Variants in NUP210 observed in about 807,000 individuals in gnomAD.
The protein encoded by NUP210 is nucleoporin 210, also known as nuclear pore membrane glycoprotein 210.
NUP210 carries 151 observed loss-of-function variants against 196.0 expected under a neutral mutation model. The observed-to-expected ratio is 0.77, with a 90% CI of 0.67 to 0.88. NUP210 has a LOEUF of 0.88. NUP210 is among the 40% of genes least tolerant of loss of function. The pLI is 0.00. For missense variants in NUP210, 2,314 were observed against 2,493.7 expected, an observed-to-expected ratio of 0.93 and a Z score of 1.53; for synonymous variants, 1,070 against 1,052.7, an observed-to-expected ratio of 1.02 and a Z score of -0.32.
chr3:13,396,174 T>C (rs553186007), intron 3 of NUP210, among the ~76,000 whole-genome samples: 2 of 152,302 alleles, frequency 1.3e-5, no homozygotes, highest in East Asian at 3.9e-4. Flanking sequence ...GAGACACTAC[T>C]AACATCTAGT....
At chr3:13,415,456 A>G (rs987181490) in intron 1 of NUP210, among the ~76,000 whole-genome samples, 8 of 152,180 alleles carry the variant, frequency 5.3e-5, no homozygotes, top group South Asian at 2.1e-4. Context: ...AATCGACCAA[A>G]GCCTGTGACT....
At chr3:13,395,810 A>G (rs1415188484) in intron 3 of NUP210, among the ~76,000 whole-genome samples, 1 of 152,196 alleles carries the variant, frequency 6.6e-6, no homozygotes, top group Non-Finnish European at 1.5e-5. Context: ...GCCGGGGCAC[A>G]GGATAACTCT....
In NUP210 at chr3:13,340,619, G is replaced by C. The variant is rs771067727; in HGVS notation, c.3229-321C>G. ...AGTTGAGCCATCCCCTTAGAGCAGC[G>C]GTTCTCAGTGTGTGGTCACTAAGCA... is the stretch of plus-strand genomic sequence containing the variant. On this transcript the variant is annotated intron_variant, in intron 23 of 39. Coordinates refer to ENST00000254508, the MANE Select transcript of NUP210 (RefSeq NM_024923.4). This position sits in a 1 kb window ranked among gnomAD's most constrained non-coding sequence, Gnocchi z 4.0. Among the ~76,000 whole-genome samples, 1 of 152,176 alleles carries C rather than the reference G, an allele frequency of 6.6e-6. No homozygotes were observed. The highest frequency in any genetic ancestry group is 1.5e-5 in the Non-Finnish European group (1 of 68,014).
In NUP210 at chr3:13,379,696, G is replaced by A. The variant is rs767772331; in HGVS notation, c.843C>T (p.Tyr281=). ...GGATGCTGTTCTGAAGCTGCAACTC[G>A]TACTGATCGGAAGGCATGGAGAGTT... is the stretch of plus-strand genomic sequence containing the variant. ...ITELSMPSDQ[Y]ELQLQNSIPG... The change falls in exon 7 of 40, where the codon TAC becomes TAT. Residue 281 remains tyrosine, a synonymous_variant. Coordinates refer to ENST00000254508, the MANE Select transcript of NUP210 (RefSeq NM_024923.4). This position sits in a 1 kb window ranked among gnomAD's most constrained non-coding sequence, Gnocchi z 4.2. The A allele has an allele frequency of 6.8e-6, 11 of 1,608,034 alleles. No homozygotes were observed. The highest frequency in any genetic ancestry group is 1.7e-5 in the Admixed American group (1 of 58,816).
chr3:13,320,226 A>C (rs936285033), intron 36 of NUP210, among the ~76,000 whole-genome samples: 10 of 152,228 alleles, frequency 6.6e-5, no homozygotes, highest in African/African-American at 1.9e-4. Flanking sequence ...TGTACTCTGC[A>C]GAGTCGGGAA....
chr3:13,393,069 C>A (rs1439915660), intron 3 of NUP210, among the ~76,000 whole-genome samples: 5 of 152,242 alleles, frequency 3.3e-5, no homozygotes, highest in Non-Finnish European at 7.3e-5. Context: ...TACATGCCAA[C>A]ACCACAAGAG....
At chr3:13,397,930 C>A (rs1168992229) in intron 2 of NUP210, among the ~76,000 whole-genome samples, 1 of 152,146 alleles carries the variant, frequency 6.6e-6, no homozygotes, top group Non-Finnish European at 1.5e-5. Context: ...AAGTATAGTA[C>A]AGAAGGGGCT....
chr3:13,335,710 C>A lies in NUP210; in HGVS notation c.3685-98G>T, dbSNP rs561303612. ...AGTAGCCCCAGACCCCCCAGCCCCC[C>A]AGTCCTGGTAGCTGCTGGCCTGTTC... On this transcript the variant is annotated intron_variant, in intron 27 of 39. Coordinates refer to ENST00000254508, the MANE Select transcript of NUP210 (RefSeq NM_024923.4). The A allele has an allele frequency of 1.6e-5, 22 of 1,356,076 alleles. No homozygotes were observed. In the East Asian group the frequency reaches 1.9e-4, roughly 12 times the overall value. The allele number at this position is 1,356,076 out of a possible 1,614,324, so 84.0% of individuals were successfully genotyped here.
intron 1 of NUP210, among the ~76,000 whole-genome samples, chr3:13,411,662 C>T (rs945410666): frequency 2.0e-4 from 30 of 152,276 alleles, no homozygotes; most frequent in African/African-American, 7.2e-4. Context: ...TGCCGACGGC[C>T]CCTCCCCACC....
chr3:13,323,208 G>A lies in NUP210; in HGVS notation c.4768+101C>T. The A allele has an allele frequency of 1.4e-6, 2 of 1,446,986 alleles. No individual in the cohort carries two copies. Among genetic ancestry groups the A allele is most frequent in the South Asian group, 1.3e-5 (1 of 79,586 alleles). The allele number at this position is 1,446,986 out of a possible 1,614,324, so 89.6% of individuals were successfully genotyped here. The stretch of plus-strand genomic sequence containing the variant: ...AATGCCCTCTCTGGAGTTGGTGTGA[G>A]TGTGAATAGGAGAAGCAGATAAACT... On this transcript the variant is annotated intron_variant, in intron 34 of 39. Coordinates refer to ENST00000254508, the MANE Select transcript of NUP210 (RefSeq NM_024923.4). This position sits in a 1 kb window ranked among gnomAD's most constrained non-coding sequence, Gnocchi z 4.3.
intron 1 of NUP210, among the ~76,000 whole-genome samples, chr3:13,406,944 G>T (rs1700024634): frequency 6.6e-6 from 1 of 151,908 alleles, no homozygotes; most frequent in African/African-American, 2.4e-5. Context: ...AGCCCTCGGG[G>T]ATGGGGACGT....
At chr3:13,344,822 G>T in intron 20 of NUP210, 1 of 628,332 alleles carries the variant, frequency 1.6e-6, no homozygotes, top group Non-Finnish European at 2.0e-6. Flanking sequence ...GGGCCTCGCA[G>T]CCCACCTTAA....
At chr3:13,338,653 G>A (rs553780624) in intron 25 of NUP210, among the ~76,000 whole-genome samples, 53 of 152,286 alleles carry the variant, frequency 3.5e-4, no homozygotes, top group African/African-American at 1.2e-3. Context: ...GCTCTGGATT[G>A]GACAGATGGA....
chr3:13,358,448 T>C (rs6807718), intron 15 of NUP210, 53 bp from the exon 16 acceptor site: 472,929 of 1,531,706 alleles, frequency 0.31, 76,963 homozygotes, highest in Non-Finnish European at 0.34. Context: ...CTCACTCCTC[T>C]CTGAGCTATG....
Position 13,339,839 on chromosome 3 carries a change from T to C in NUP210, c.3471+15A>G, listed in dbSNP as rs371118867. On this transcript the variant is annotated intron_variant, in intron 25 of 39. Transcript: ENST00000254508. ...CCAGGCACAGCTGCCCAGTCTCCAA[T>C]AGCACGCCTGTTACCTGAGAGATGA... 7 of 1,605,360 alleles carry C rather than the reference T, an allele frequency of 4.4e-6. No homozygotes were observed. The highest frequency in any genetic ancestry group is 6.0e-6 in the Non-Finnish European group (7 of 1,174,274).
Position 13,373,730 on chromosome 3 carries a change from G to A in NUP210, c.1575C>T (p.Phe525=), listed in dbSNP as rs202170701. The A allele has an allele frequency of 3.4e-5, 55 of 1,614,024 alleles. No homozygotes were observed. Among genetic ancestry groups the A allele is most frequent in the Admixed American group, 2.2e-4 (13 of 60,008 alleles). ...QAHDVQNPLH[F]GEMKVYVIEP... ...CCTGAGATCTCACCTTCATCTCACCGAAATGGAGTGGGTTCTGCACATCAT... is the reference window on the plus strand; with the variant it reads ...CCTGAGATCTCACCTTCATCTCACCAAAATGGAGTGGGTTCTGCACATCAT... The change falls in exon 12 of 40, where the codon TTC becomes TTT. Residue 525 remains phenylalanine, a synonymous_variant. Coordinates refer to ENST00000254508, the MANE Select transcript of NUP210 (RefSeq NM_024923.4).
At position 13,373,797 on chromosome 3, in the gene NUP210, A is replaced by G. The variant is rs1352332691; in HGVS notation, c.1508T>C (p.Met503Thr). The G allele has an allele frequency of 6.2e-7, 1 of 1,614,066 alleles. No homozygotes were observed. Among genetic ancestry groups the G allele is most frequent in the Non-Finnish European group, 8.5e-7 (1 of 1,180,026 alleles). Residue 503 changes from methionine to threonine, a missense_variant, in exon 12 of 40, where the codon ATG (methionine) becomes ACG (threonine). By Grantham distance (81) the Met-to-Thr change is moderately conservative. Transcript: ENST00000254508. ...GAACCCGATGTCACTGCCTGTGGTCATCACGCCCTTGACAGTAACTGTGGC... is the reference window on the plus strand; with the variant it reads ...GAACCCGATGTCACTGCCTGTGGTCGTCACGCCCTTGACAGTAACTGTGGC... ...LVATVTVKGV[M>T]TTGSDIGFSV... is the part of the protein sequence containing the mutation.
Position 13,376,579 on chromosome 3 carries a change from G to A in NUP210, c.1153-148C>T, listed in dbSNP as rs1340271276. The A allele has an allele frequency of 1.3e-5, 10 of 761,748 alleles. No individual in the cohort carries two copies. The East Asian group carries it at 2.1e-4, about 16-fold the overall frequency. The allele number at this position is 761,748 out of a possible 1,614,324, so 47.2% of individuals were successfully genotyped here. On this transcript the variant is annotated intron_variant, in intron 9 of 39. Coordinates refer to ENST00000254508, the MANE Select transcript of NUP210 (RefSeq NM_024923.4). ...TCAGCAGCCTCCACTAGCAGCAGACGGGTGGGCTGGGCCCTGGAACAGAGG... is the reference window on the plus strand; with the variant it reads ...TCAGCAGCCTCCACTAGCAGCAGACAGGTGGGCTGGGCCCTGGAACAGAGG...
chr3:13,319,387 T>C, intron 37 of NUP210, 62 bp from the exon 38 acceptor site: 2 of 1,351,718 alleles, frequency 1.5e-6, no homozygotes, highest in Non-Finnish European at 2.1e-6. Context: ...TCCCATCACG[T>C]TCCTGCCCTA....
Sources: gnomAD v4.1 joint callset for allele counts (sites outside exome capture counted in the v4.1 genomes callset) on GRCh38, gnomAD v4.1.1 for gene constraint, Gnocchi (gnomAD v3.1) non-coding constraint, MANE v1.5 for transcripts, NCBI Gene and HGNC (gene_info 2026-07-23, HGNC 2026-07-21) for gene names.